The following VWCE variants were observed in gnomAD, a reference collection of about 807,000 sequenced individuals.
VWCE encodes the protein von Willebrand factor C and EGF domains.
VWCE carries 68 observed loss-of-function variants against 102.9 expected under a neutral mutation model. That is an observed-to-expected ratio of 0.66 (90% CI 0.54 to 0.81). The LOEUF (loss-of-function observed/expected upper bound fraction) is 0.81, where lower values mean the gene tolerates loss of function less well. VWCE is among the 30% of genes least tolerant of loss of function. The probability of loss-of-function intolerance (pLI) is 0.00; values close to 1 mark genes in which losing one functional copy is unlikely to be tolerated. For missense variants in VWCE, 1,137 were observed against 1,263.6 expected, an observed-to-expected ratio of 0.90 and a Z score of 1.52; for synonymous variants, 497 against 515.4, an observed-to-expected ratio of 0.96 and a Z score of 0.48.
At chr11:61,293,309 C>T (rs1043037649) in intron 1 of VWCE, among the ~76,000 whole-genome samples, 1 of 145,762 alleles carries the variant, frequency 6.9e-6, no homozygotes, top group African/African-American at 2.6e-5. Flanking sequence ...CCCAGCTGCT[C>T]GAGAGGCTGA....
intron 4 of VWCE, among the ~76,000 whole-genome samples, chr11:61,288,214 G>C (rs1298824761): frequency 6.7e-6 from 1 of 149,496 alleles, no homozygotes; most frequent in Non-Finnish European, 1.5e-5. Flanking sequence ...AATCCAAGTA[G>C]TACTTTACGA....
At chr11:61,267,571 C>A (rs530667968) in intron 15 of VWCE, 27 bp from the exon 16 acceptor site, 2 of 1,612,354 alleles carry the variant, frequency 1.2e-6, no homozygotes, top group South Asian at 2.2e-5. Context: ...GCGCTGAGCA[C>A]CAGCTGGGAG....
intron 19 of VWCE, 106 bp from the exon 20 acceptor site, chr11:61,259,418 GC>G: frequency 7.2e-7 from 1 of 1,394,858 alleles, no homozygotes; most frequent in Non-Finnish European, 9.5e-7. Context: ...CCTCAGAGGG[GC>G]CTCAGCACAC....
At chr11:61,262,571 T>C (rs1404853480) in intron 19 of VWCE, among the ~76,000 whole-genome samples, 1 of 152,114 alleles carries the variant, frequency 6.6e-6, no homozygotes, top group Non-Finnish European at 1.5e-5. Flanking sequence ...TGCAGAGAGG[T>C]TTGTGGTGGT....
At chr11:61,280,342 C>T (rs888483450) in intron 9 of VWCE, among the ~76,000 whole-genome samples, 4 of 152,052 alleles carry the variant, frequency 2.6e-5, no homozygotes, top group Non-Finnish European at 5.9e-5. Flanking sequence ...GAAAAGTCCC[C>T]CTTGAGGCAT....
chr11:61,287,029 G>A (rs1048194665), intron 4 of VWCE, among the ~76,000 whole-genome samples: 2 of 152,038 alleles, frequency 1.3e-5, no homozygotes, highest in East Asian at 1.9e-4. Flanking sequence ...CCTGGGAGGC[G>A]GAGCTTGCAG....
chr11:61,293,241 C>CAA (rs764741197), intron 1 of VWCE, among the ~76,000 whole-genome samples: 595 of 17,986 alleles, frequency 0.033, 86 homozygotes, highest in African/African-American at 0.088. Flanking sequence ...AACTCCATCT[C>CAA]AAAAAAAAAA....
intron 16 of VWCE, among the ~76,000 whole-genome samples, chr11:61,265,985 G>T (rs1444343782): frequency 6.6e-6 from 1 of 152,046 alleles, no homozygotes; most frequent in Non-Finnish European, 1.5e-5. Flanking sequence ...GGCGGAGGTT[G>T]CAGTGAGCCA....
At chr11:61,264,932 C>G in intron 18 of VWCE, 24 bp downstream of exon 18, 1 of 1,612,310 alleles carries the variant, frequency 6.2e-7, no homozygotes, top group Non-Finnish European at 8.5e-7. Flanking sequence ...CGGGGCCGCT[C>G]CTGGGTTCCC....
intron 19 of VWCE, 137 bp downstream of exon 19, chr11:61,264,350 C>T (rs1854445864): frequency 1.2e-5 from 9 of 769,688 alleles, no homozygotes; most frequent in Non-Finnish European, 1.9e-5. Context: ...CACAGCTGTA[C>T]AACCTTGCGC....
intron 4 of VWCE, among the ~76,000 whole-genome samples, chr11:61,287,202 C>A (rs1855363203): frequency 6.6e-6 from 1 of 152,194 alleles, no homozygotes; most frequent in African/African-American, 2.4e-5. Flanking sequence ...TGAGCCCACA[C>A]CAAGCCTGCC....
At chr11:61,285,140 T>C (rs777540519) in intron 5 of VWCE, among the ~76,000 whole-genome samples, 2 of 151,972 alleles carry the variant, frequency 1.3e-5, no homozygotes, top group Non-Finnish European at 2.9e-5. Flanking sequence ...CCCCAGCCTG[T>C]GGAATTTTAT....
At chr11:61,264,220 A>C in intron 19 of VWCE, among the ~76,000 whole-genome samples, 1 of 113,058 alleles carries the variant, frequency 8.8e-6, no homozygotes, top group African/African-American at 4.3e-5. Context: ...AGGGAGACTC[A>C]GTCTCAAAAA....
chr11:61,261,919 T>G (rs1854372501), intron 19 of VWCE, among the ~76,000 whole-genome samples: 1 of 152,164 alleles, frequency 6.6e-6, no homozygotes, highest in Non-Finnish European at 1.5e-5. Flanking sequence ...CATAGTGTGC[T>G]TCAGGAGAAG....
intron 4 of VWCE, among the ~76,000 whole-genome samples, chr11:61,286,689 T>G (rs1423947585): frequency 1.3e-5 from 2 of 152,016 alleles, no homozygotes; most frequent in Admixed American, 6.6e-5. Context: ...TAATCCCAGC[T>G]ACTCGGGAGG....
At chr11:61,286,555 C>T (rs562717771) in intron 4 of VWCE, 125 bp from the exon 5 acceptor site, 205 of 849,252 alleles carry the variant, frequency 2.4e-4, no homozygotes, top group Non-Finnish European at 3.6e-4. Flanking sequence ...GTAATCCCAG[C>T]ACTTTGGGAG....
At chr11:61,283,227 G>C (rs145669938) in intron 5 of VWCE, among the ~76,000 whole-genome samples, 1 of 152,200 alleles carries the variant, frequency 6.6e-6, no homozygotes, top group African/African-American at 2.4e-5. Context: ...CTGACCAAAG[G>C]GCATTTCTAA....
rs1021426504 is a variant in VWCE, at chr11:61,278,259, C to T, written c.1407+135G>A. 9.3e-5 allele frequency: 92 copies of T among 991,200 alleles called. No homozygotes were observed. In the Middle Eastern group the frequency reaches 1.3e-3, roughly 14 times the overall value. The allele number at this position is 991,200 out of a possible 1,614,324, so 61.4% of individuals were successfully genotyped here. ...CCCTTTTAAATTCTACAGCTTCTAA[C>T]CAAATTCCACAACCTGAGAATGTTC... On this transcript the variant is annotated intron_variant, in intron 10 of 19. Coordinates refer to ENST00000335613, the MANE Select transcript of VWCE (RefSeq NM_152718.2).
Position 61,291,362 on chromosome 11 carries a change from A to G in VWCE, c.206-9T>C. The G allele has an allele frequency of 6.2e-7, 1 of 1,611,378 alleles. No individual in the cohort carries two copies. ...GCCGAAGGAGCAGAGGGCTGAGAGG[A>G]GAAGTGCAGGTGAGACACGAGGAAC... On this transcript the variant is annotated splice_polypyrimidine_tract_variant and intron_variant, in intron 2 of 19. Transcript: ENST00000335613.
Sources: allele counts gnomAD v4.1 joint callset (sites outside exome capture counted in the v4.1 genomes callset), GRCh38; gene constraint gnomAD v4.1.1; transcripts MANE v1.5; gene names NCBI Gene and HGNC (gene_info 2026-07-23, HGNC 2026-07-21).